FRS2: variants seen among roughly 807,000 people sequenced by gnomAD.
The protein encoded by FRS2 is fibroblast growth factor receptor substrate 2, also known as FGFR signalling adaptor.
In FRS2, 8 loss-of-function variants were observed where a neutral mutation model predicts 43.9. The observed-to-expected ratio is 0.18, with a 90% confidence interval of 0.11 to 0.33. The LOEUF (loss-of-function observed/expected upper bound fraction) is 0.33, where lower values mean the gene tolerates loss of function less well. FRS2 is among the 10% of genes least tolerant of loss of function. FRS2 has a pLI of 1.00. For missense variants in FRS2, 534 were observed against 627.6 expected (o/e 0.85, Z 1.59); for synonymous variants, 219 against 220.3 (o/e 0.99, Z 0.05).
chr12:69,509,751 ACT>A lies in FRS2; in HGVS notation c.-260-21110_-260-21109del, dbSNP rs1400185481. Among the ~76,000 whole-genome samples the A allele has an allele frequency of 4.6e-5, 7 of 151,816 alleles. No homozygotes were observed. In the East Asian group the frequency reaches 1.4e-3, roughly 29 times the overall value. ...TCTAGCTTCCAAAATGATGTTGATGACTCTCATTTGCTGTTGTGTCTTTCCCA... is the reference window on the plus strand; with the variant it reads ...TCTAGCTTCCAAAATGATGTTGATGACTCATTTGCTGTTGTGTCTTTCCCA... On this transcript the variant is annotated intron_variant, in intron 1 of 8. Coordinates refer to ENST00000549921, the MANE Select transcript of FRS2 (RefSeq NM_001278356.2).
chr12:69,485,444 A>C (rs10784782), intron 1 of FRS2, among the ~76,000 whole-genome samples: 77,776 of 151,786 alleles, frequency 0.51, 23,098 homozygotes, highest in African/African-American at 0.82. Context: ...GACCTTCCAA[A>C]GTGCTGGGAT....
At position 69,574,768 on chromosome 12, in the gene FRS2, C is replaced by CT; in HGVS notation, c.1341dup (p.Asp448Ter). 6.2e-7 allele frequency: 1 copy of CT among 1,614,166 alleles called. No homozygotes were observed. The highest frequency in any genetic ancestry group is 2.2e-5 in the East Asian group (1 of 44,882). The stretch of plus-strand genomic sequence containing the variant: ...GTTGACTTGGAAGGTGGCAGTGACT[C>CT]TGACAACCCTCAGACTCCAAAAACG... On this transcript the variant is annotated frameshift_variant, in exon 9 of 9. Transcript: ENST00000549921. LOFTEE classifies it high-confidence loss of function.
intron 8 of FRS2, among the ~76,000 whole-genome samples, chr12:69,573,081 C>T (rs1227184141): frequency 6.6e-6 from 1 of 152,222 alleles, no homozygotes; most frequent in Admixed American, 6.5e-5. Flanking sequence ...GATCTGCCTG[C>T]CCCGGCCTCC....
intron 1 of FRS2, among the ~76,000 whole-genome samples, chr12:69,523,399 C>G (rs980400994): frequency 3.9e-5 from 6 of 152,050 alleles, no homozygotes; most frequent in Non-Finnish European, 5.9e-5. Flanking sequence ...GGATTGCAAC[C>G]CCTGCTTTTT....
chr12:69,544,753 C>CAT (rs1878224418), intron 3 of FRS2, among the ~76,000 whole-genome samples: 1 of 151,892 alleles, frequency 6.6e-6, no homozygotes, highest in African/African-American at 2.4e-5. Context: ...ACTATTTCAA[C>CAT]GTAGTAAAAG....
At chr12:69,521,203 A>G (rs1209229701) in intron 1 of FRS2, among the ~76,000 whole-genome samples, 3 of 152,008 alleles carry the variant, frequency 2.0e-5, no homozygotes, top group East Asian at 1.9e-4. Context: ...GGCTCTTAGC[A>G]TGGCTGTTGT....
At chr12:69,476,753 C>CGGGGGGGGGGGTGGGGGGGGGGGGG (rs60543134) in intron 1 of FRS2, among the ~76,000 whole-genome samples, 2 of 80,108 alleles carry the variant, frequency 2.5e-5, no homozygotes, top group Non-Finnish European at 2.5e-5. Flanking sequence ...GGGGGAGGGA[C>CGGGGGGGGGGGTGGGGGGGGGGGGG]GGGGGGGGGT....
At chr12:69,566,617 A>T (rs74866554) in intron 4 of FRS2, among the ~76,000 whole-genome samples, 1 of 24,860 alleles carries the variant, frequency 4.0e-5, no homozygotes, top group Non-Finnish European at 6.2e-5. Flanking sequence ...TGGGGGATTT[A>T]AAAAAAAAAA....
chr12:69,501,234 A>G (rs914382515), intron 1 of FRS2, among the ~76,000 whole-genome samples: 1 of 152,018 alleles, frequency 6.6e-6, no homozygotes, highest in African/African-American at 2.4e-5. Flanking sequence ...CTCCCCCTTT[A>G]AAAGAATGAG....
At position 69,562,251 on chromosome 12, in the gene FRS2, A is replaced by G; in HGVS notation, c.-50A>G. 2.5e-6 allele frequency: 1 copy of G among 398,468 alleles called. No homozygotes were observed. The highest frequency in any genetic ancestry group is 1.3e-4 in the South Asian group (1 of 7,858). 24.7% of individuals were successfully genotyped at this position (398,468 alleles called of 1,614,324 possible). On this transcript the variant is annotated 5_prime_UTR_variant, in exon 4 of 9. Transcript: ENST00000549921. ...AACTCCTGATGCTGCAGCAGAGGCT[A>G]AGAATATTAATGGCCAGATCTAGGT...
chr12:69,562,891 G>A (rs1163056605), intron 4 of FRS2, among the ~76,000 whole-genome samples: 1 of 151,944 alleles, frequency 6.6e-6, no homozygotes, highest in Non-Finnish European at 1.5e-5. Flanking sequence ...GTCTCACTGT[G>A]TTGCCCAGGC....
At position 69,546,469 on chromosome 12, in the gene FRS2, G is replaced by C. The variant is rs181750044; in HGVS notation, c.-122+14413G>C. Among the ~76,000 whole-genome samples the C allele has an allele frequency of 2.5e-3, 388 of 152,214 alleles. 1 individual carries two copies. The highest frequency in any genetic ancestry group is 9.0e-3 in the African/African-American group (374 of 41,530). ...GGCAGGGTTTTGCTATGTTACCTGGGCTGGTCTTGAACTCCTGGCCTCAAG... is the reference window on the plus strand; with the variant it reads ...GGCAGGGTTTTGCTATGTTACCTGGCCTGGTCTTGAACTCCTGGCCTCAAG... On this transcript the variant is annotated intron_variant, in intron 3 of 8. Coordinates refer to ENST00000549921, the MANE Select transcript of FRS2 (RefSeq NM_001278356.2).
At position 69,541,440 on chromosome 12, in the gene FRS2, G is replaced by A. The variant is rs577635889; in HGVS notation, c.-122+9384G>A. On this transcript the variant is annotated intron_variant, in intron 3 of 8. Transcript: ENST00000549921. ...TATAATTTAACTGAAGGAAGCGTGT[G>A]TATGTGTGTTTGGCCTACTCTGTAA... 9.9e-5 allele frequency among the ~76,000 whole-genome samples: 15 copies of A among 152,224 alleles called. No individual in the cohort carries two copies. In the East Asian group the frequency reaches 2.7e-3, roughly 27 times the overall value.
Position 69,574,793 on chromosome 12 carries a change from G to C in FRS2, c.1365G>C (p.Thr455=). The change falls in exon 9 of 9, where the codon ACG becomes ACC. Residue 455 remains threonine, a synonymous_variant. Coordinates refer to ENST00000549921, the MANE Select transcript of FRS2 (RefSeq NM_001278356.2). ...CTGACAACCCTCAGACTCCAAAAAC[G>C]CCTACAACTCCCCTTCCACAAACCC... is the stretch of plus-strand genomic sequence containing the variant. ...SDSDNPQTPK[T]PTTPLPQTPT... The C allele has an allele frequency of 6.2e-7, 1 of 1,614,064 alleles. No individual in the cohort carries two copies. The highest frequency in any genetic ancestry group is 8.5e-7 in the Non-Finnish European group (1 of 1,180,024).
intron 3 of FRS2, among the ~76,000 whole-genome samples, chr12:69,540,525 C>G (rs560321019): frequency 9.9e-5 from 15 of 152,158 alleles, no homozygotes; most frequent in Admixed American, 3.9e-4. Context: ...CGGGCTGATA[C>G]TGGTATGAAT....
chr12:69,472,545 A>G (rs1870406328), intron 1 of FRS2, among the ~76,000 whole-genome samples: 1 of 152,258 alleles, frequency 6.6e-6, no homozygotes, highest in African/African-American at 2.4e-5. Flanking sequence ...AGGTATGACA[A>G]TGTATTTTTA....
At chr12:69,525,192 GTT>G (rs11295929) in intron 1 of FRS2, among the ~76,000 whole-genome samples, 2,461 of 146,622 alleles carry the variant, frequency 0.017, 64 homozygotes, top group African/African-American at 0.055. Context: ...ATGTAATATT[GTT>G]TTTTTTTTTT....
intron 3 of FRS2, among the ~76,000 whole-genome samples, chr12:69,559,190 A>G (rs910908577): frequency 5.9e-5 from 9 of 152,224 alleles, no homozygotes; most frequent in Admixed American, 3.3e-4. Flanking sequence ...AGAAAAGTGA[A>G]TTGATGACAG....
intron 1 of FRS2, among the ~76,000 whole-genome samples, chr12:69,512,563 A>G (rs1874562041): frequency 1.3e-5 from 2 of 152,158 alleles, no homozygotes; most frequent in Non-Finnish European, 2.9e-5. Context: ...TGACCAGAAA[A>G]GAATTTTTTT....
Sources: allele counts gnomAD v4.1 joint callset (sites outside exome capture counted in the v4.1 genomes callset), GRCh38; gene constraint gnomAD v4.1.1; transcripts MANE v1.5; gene names NCBI Gene and HGNC (gene_info 2026-07-23, HGNC 2026-07-21).